Variants in SMG5 observed in about 807,000 individuals in gnomAD.
The protein encoded by SMG5 is SMG5 nonsense mediated mRNA decay factor.
SMG5 carries 53 observed loss-of-function variants against 122.9 expected under a neutral mutation model. That is an observed-to-expected ratio of 0.43 (90% confidence interval 0.35 to 0.54). SMG5 has a LOEUF of 0.54. Among genes scored for constraint, SMG5 ranks in the 20% least tolerant of loss-of-function variants. SMG5 has a pLI of 0.01. For missense variants in SMG5, 1,153 were observed against 1,285.6 expected, an observed-to-expected ratio of 0.90 and a Z score of 1.58; for synonymous variants, 477 against 490.2, an observed-to-expected ratio of 0.97 and a Z score of 0.35.
chr1:156,270,861 G>A (rs1662379249), intron 7 of SMG5, among the ~76,000 whole-genome samples: 1 of 152,096 alleles, frequency 6.6e-6, no homozygotes. Context: ...TACAAAATTA[G>A]CCAGGCGTTG....
In SMG5 at chr1:156,249,552, T is replaced by C. The variant is rs141396105; in HGVS notation, c.*1035A>G. 1.7e-4 allele frequency: 64 copies of C among 370,270 alleles called. No individual in the cohort carries two copies. Among genetic ancestry groups the C allele is most frequent in the Admixed American group, 8.9e-4 (24 of 26,900 alleles). The allele number at this position is 370,270 out of a possible 1,614,324, so 22.9% of individuals were successfully genotyped here. A position where few individuals can be genotyped will look rare whatever the true frequency, so the allele number is the denominator to read the frequency against. ...ACTGCCCTGAGCTATTCATGATCTC[T>C]GCTCCCAGATATTCACCTCAACACT... On this transcript the variant is annotated 3_prime_UTR_variant, in exon 22 of 22. Coordinates refer to ENST00000361813, the MANE Select transcript of SMG5 (RefSeq NM_015327.3).
chr1:156,273,474 G>C, intron 5 of SMG5, 24 bp from the exon 6 acceptor site: 1 of 1,606,886 alleles, frequency 6.2e-7, no homozygotes, highest in Non-Finnish European at 8.5e-7. Context: ...AAAACGAAGG[G>C]AAACTCGATG....
upstream of SMG5, chr1:156,286,466 G>A (rs139893518): frequency 6.3e-3 from 10,147 of 1,614,074 alleles, 43 homozygotes; most frequent in Non-Finnish European, 7.2e-3. Flanking sequence ...TCTCTTTGCC[G>A]TCTCCCGGTA....
chr1:156,264,843 T>C (rs1005983799), intron 12 of SMG5, among the ~76,000 whole-genome samples: 2 of 152,054 alleles, frequency 1.3e-5, no homozygotes, highest in South Asian at 4.1e-4. Context: ...CTGGCCAACA[T>C]GGCGAAACCC....
chr1:156,291,474 T>C, the SMG5 span: 4 of 1,613,546 alleles, frequency 2.5e-6, no homozygotes, highest in Non-Finnish European at 3.4e-6. Context: ...TCGATGCTGA[T>C]GTGGAACCTC....
At chr1:156,262,582 T>C (rs1661907026) in intron 13 of SMG5, among the ~76,000 whole-genome samples, 1 of 151,630 alleles carries the variant, frequency 6.6e-6, no homozygotes, top group South Asian at 2.1e-4. Context: ...CTTCTCTACG[T>C]CTAGCAGTAA....
chr1:156,256,182 C>A (rs957858159), intron 16 of SMG5, among the ~76,000 whole-genome samples: 1 of 151,980 alleles, frequency 6.6e-6, no homozygotes, highest in Non-Finnish European at 1.5e-5. Flanking sequence ...CTCCCACCCC[C>A]CTGCAGAGTC....
chr1:156,262,995 C>G (rs1661927234), intron 13 of SMG5, among the ~76,000 whole-genome samples: 1 of 152,228 alleles, frequency 6.6e-6, no homozygotes, highest in Non-Finnish European at 1.5e-5. Flanking sequence ...CTGCCTAGTA[C>G]ATCTTCACAA....
At position 156,259,177 on chromosome 1, in the gene SMG5, C is replaced by G; in HGVS notation, c.2284-14G>C. On this transcript the variant is annotated splice_polypyrimidine_tract_variant and intron_variant, in intron 15 of 21. Coordinates refer to ENST00000361813, the MANE Select transcript of SMG5 (RefSeq NM_015327.3). ...GCGCACCACTGACTGTGGGGAGATA[C>G]AGGAGCCCAGCGCTGCTGAGCAGGG... is the stretch of plus-strand genomic sequence containing the variant. 6.4e-7 allele frequency: 1 copy of G among 1,555,286 alleles called. No homozygotes were observed. Among genetic ancestry groups the G allele is most frequent in the South Asian group, 1.2e-5 (1 of 80,954 alleles).
upstream of SMG5, among the ~76,000 whole-genome samples, chr1:156,286,887 G>A (rs185845246): frequency 7.9e-3 from 1,202 of 152,324 alleles, 23 homozygotes; most frequent in African/African-American, 0.027. Flanking sequence ...ACTTTGAGAG[G>A]CCGAGGTGGC....
intron 19 of SMG5, among the ~76,000 whole-genome samples, chr1:156,251,834 G>A (rs545087161): frequency 7.7e-4 from 118 of 152,306 alleles, no homozygotes; most frequent in African/African-American, 2.6e-3. Context: ...AGCTAGCAGG[G>A]AGAGGGAAGC....
intron 3 of SMG5, 136 bp downstream of exon 3, chr1:156,277,789 C>T (rs546590042): frequency 1.2e-5 from 14 of 1,146,208 alleles, no homozygotes; most frequent in Non-Finnish European, 1.8e-5. Context: ...TGGGATTACA[C>T]GCATGAGCCA....
At chr1:156,260,882 T>C (rs1661794219) in intron 14 of SMG5, among the ~76,000 whole-genome samples, 1 of 151,978 alleles carries the variant, frequency 6.6e-6, no homozygotes, top group South Asian at 2.1e-4. Flanking sequence ...GACAATTACA[T>C]TGGGATGGAA....
upstream of SMG5, chr1:156,286,344 G>C (rs764590643): frequency 3.1e-6 from 5 of 1,614,152 alleles, no homozygotes; most frequent in Non-Finnish European, 3.4e-6. Flanking sequence ...GAGATCCACC[G>C]GCGATATGTG....
intron 12 of SMG5, among the ~76,000 whole-genome samples, chr1:156,264,648 T>C (rs7512751): frequency 1.3e-5 from 2 of 151,900 alleles, no homozygotes; most frequent in South Asian, 2.1e-4. Context: ...TAAAATCTAG[T>C]GGGGGCAAGT....
Position 156,268,286 on chromosome 1 carries a change from T to C in SMG5, c.839+4A>G, listed in dbSNP as rs766486100. 1.9e-6 allele frequency: 3 copies of C among 1,614,162 alleles called. No individual in the cohort carries two copies. Among genetic ancestry groups the C allele is most frequent in the Non-Finnish European group, 1.7e-6 (2 of 1,180,006 alleles). On this transcript the variant is annotated splice_donor_region_variant and intron_variant, in intron 8 of 21. Coordinates refer to ENST00000361813, the MANE Select transcript of SMG5 (RefSeq NM_015327.3). ...AACCCGTCCTCCTCACAGGCCCCAC[T>C]CACCGCTTTTTGCCAGGAGACAGTT...
intron 2 of SMG5, 54 bp from the exon 3 acceptor site, chr1:156,278,102 A>C: frequency 6.2e-7 from 1 of 1,603,960 alleles, no homozygotes; most frequent in Non-Finnish European, 8.5e-7. Flanking sequence ...GAGCAGGGAC[A>C]TAAGAACTGA....
chr1:156,265,034 A>AAAACAC (rs1179861639), intron 12 of SMG5, among the ~76,000 whole-genome samples: 1 of 46,520 alleles, frequency 2.1e-5, no homozygotes, highest in Non-Finnish European at 4.2e-5. Context: ...TCAAAAAAAA[A>AAAACAC]ATACACACAC....
At chr1:156,285,365 C>G (rs1663119684), upstream of SMG5, 3 of 1,580,288 alleles carry the variant, frequency 1.9e-6, no homozygotes, top group Non-Finnish European at 2.6e-6. Context: ...AGCTGAGTCC[C>G]TCAGAGTGGG....
Sources: gnomAD v4.1 joint callset for allele counts (sites outside exome capture counted in the v4.1 genomes callset) on GRCh38, gnomAD v4.1.1 for gene constraint, MANE v1.5 for transcripts, NCBI Gene and HGNC (gene_info 2026-07-23, HGNC 2026-07-21) for gene names.